Variants in MAP2K5 observed in about 807,000 individuals in gnomAD.
The protein encoded by MAP2K5 is dual specificity mitogen-activated protein kinase kinase 5.
Under a neutral mutation model 83.1 loss-of-function variants are expected in MAP2K5, and 49 were observed. The observed-to-expected ratio is 0.59, with a 90% CI of 0.47 to 0.75. The LOEUF is 0.75. Ranked by LOEUF, MAP2K5 falls within the 30% of genes least tolerant of loss-of-function variation. The pLI is 0.00. For missense variants in MAP2K5, 457 were observed against 557.5 expected (o/e 0.82, Z 1.82); for synonymous variants, 202 against 191.8 (o/e 1.05, Z -0.44).
At chr15:67,683,122 CAA>C (rs2087863972) in intron 13 of MAP2K5, among the ~76,000 whole-genome samples, 1 of 151,402 alleles carries the variant, frequency 6.6e-6, no homozygotes. Context: ...GCCTGGGCAA[CAA>C]GAGCAAAAAC....
intron 19 of MAP2K5, among the ~76,000 whole-genome samples, chr15:67,766,033 G>A (rs1033681311): frequency 5.9e-5 from 9 of 152,106 alleles, no homozygotes; most frequent in African/African-American, 1.2e-4. Flanking sequence ...AGCATGCTGC[G>A]TGCTTGTGTT....
At position 67,802,239 on chromosome 15, in the gene MAP2K5, TGGA is replaced by T. The variant is rs1350826779; in HGVS notation, c.1243-4401_1243-4399del. 2.6e-5 allele frequency among the ~76,000 whole-genome samples: 4 copies of T among 152,080 alleles called. No individual in the cohort carries two copies. Among genetic ancestry groups the T allele is most frequent in the Non-Finnish European group, 2.9e-5 (2 of 68,020 alleles). On this transcript the variant is annotated intron_variant, in intron 21 of 21. Transcript: ENST00000178640. This position sits in a 1 kb window ranked among gnomAD's most constrained non-coding sequence, Gnocchi z 5.0. Reference sequence around the variant, plus strand: ...AGTGACACACTGACTAAAGCCCAGGTGGAGGAGGGAGCGGTGAGCAACCACAAT... The same window carrying T: ...AGTGACACACTGACTAAAGCCCAGGTGGAGGGAGCGGTGAGCAACCACAAT...
rs2090205679 is a variant in MAP2K5 at position 67,774,670 on chromosome 15, C to T, written c.1242+1918C>T. 6.6e-6 allele frequency among the ~76,000 whole-genome samples: 1 copy of T among 152,200 alleles called. No individual in the cohort carries two copies. Among genetic ancestry groups the T allele is most frequent in the Non-Finnish European group, 1.5e-5 (1 of 68,044 alleles). ...GCTTTAATTTTTCCTTTTCTCTTCC[C>T]ACCTACAACCTATTTGATGGTGCTC... On this transcript the variant is annotated intron_variant, in intron 21 of 21. Coordinates refer to ENST00000178640, the MANE Select transcript of MAP2K5 (RefSeq NM_145160.3). This position sits in a 1 kb window ranked among gnomAD's most constrained non-coding sequence, Gnocchi z 4.9.
chr15:67,626,005 G>A (rs531489152), intron 8 of MAP2K5, among the ~76,000 whole-genome samples: 3 of 152,152 alleles, frequency 2.0e-5, no homozygotes, highest in East Asian at 1.9e-4. Flanking sequence ...TTGCTTATTC[G>A]AAGTAACAAC....
At position 67,698,246 on chromosome 15, in the gene MAP2K5, G is replaced by A. The variant is rs1047326692; in HGVS notation, c.972+4678G>A. 2.6e-5 allele frequency among the ~76,000 whole-genome samples: 4 copies of A among 152,058 alleles called. No homozygotes were observed. The East Asian group carries it at 7.7e-4, about 29-fold the overall frequency. ...ACCCTGTCCCCCAGGCTGGAGTGCA[G>A]TGGCGATTGCAGCTCACCGCAACCT... On this transcript the variant is annotated intron_variant, in intron 15 of 21. Coordinates refer to ENST00000178640, the MANE Select transcript of MAP2K5 (RefSeq NM_145160.3). The surrounding 1 kb of genome is among the most constrained non-coding windows in gnomAD (Gnocchi z 4.5).
rs1455475448 is a variant in MAP2K5, at chr15:67,793,868, G to A, written c.1243-12778G>A. ...GGTTTTATTTTCTGAGAGGACCAAAGAGTCATGAATGTGCCAGGGAAAGTC... is the reference window on the plus strand; with the variant it reads ...GGTTTTATTTTCTGAGAGGACCAAAAAGTCATGAATGTGCCAGGGAAAGTC... On this transcript the variant is annotated intron_variant, in intron 21 of 21. Coordinates refer to ENST00000178640, the MANE Select transcript of MAP2K5 (RefSeq NM_145160.3). The surrounding 1 kb of genome is among the most constrained non-coding windows in gnomAD (Gnocchi z 4.6). 6.6e-6 allele frequency among the ~76,000 whole-genome samples: 1 copy of A among 152,214 alleles called. No individual in the cohort carries two copies. The highest frequency in any genetic ancestry group is 1.9e-4 in the East Asian group (1 of 5,202).
In MAP2K5 at chr15:67,552,254, T is replaced by C. The variant is rs1220760400; in HGVS notation, c.184+2172T>C. Among the ~76,000 whole-genome samples, 1 of 152,236 alleles carries C rather than the reference T, an allele frequency of 6.6e-6. No individual in the cohort carries two copies. Among genetic ancestry groups the C allele is most frequent in the Non-Finnish European group, 1.5e-5 (1 of 68,048 alleles). Reference sequence around the variant, plus strand: ...ACTATAGAAAAATAGTACATCTGTCTGAAATACATACTAGTGTTGCAAGCT... The same window carrying C: ...ACTATAGAAAAATAGTACATCTGTCCGAAATACATACTAGTGTTGCAAGCT... On this transcript the variant is annotated intron_variant, in intron 2 of 21. Transcript: ENST00000178640. This position sits in a 1 kb window ranked among gnomAD's most constrained non-coding sequence, Gnocchi z 4.2.
rs1273884022 is a variant in MAP2K5, at chr15:67,755,252, A to G, written c.1134+6651A>G. Among the ~76,000 whole-genome samples the G allele has an allele frequency of 6.6e-6, 1 of 152,182 alleles. No homozygotes were observed. The highest frequency in any genetic ancestry group is 2.4e-5 in the African/African-American group (1 of 41,440). ...CTCAGCCTCCCAAAGTGCTAAGATT[A>G]CAGGTGTGAGCCACCACTCCTGGCT... On this transcript the variant is annotated intron_variant, in intron 19 of 21. Coordinates refer to ENST00000178640, the MANE Select transcript of MAP2K5 (RefSeq NM_145160.3). This position sits in a 1 kb window ranked among gnomAD's most constrained non-coding sequence, Gnocchi z 4.7.
At position 67,780,986 on chromosome 15, in the gene MAP2K5, ACCTCC is replaced by A. The variant is rs2090320094; in HGVS notation, c.1242+8235_1242+8239del. On this transcript the variant is annotated intron_variant, in intron 21 of 21. Coordinates refer to ENST00000178640, the MANE Select transcript of MAP2K5 (RefSeq NM_145160.3). The surrounding 1 kb of genome is among the most constrained non-coding windows in gnomAD (Gnocchi z 5.0). Reference sequence around the variant, plus strand: ...ATTAGAGAGCCAAAACCTAGAGGAGACCTCCTGGCTAGCACCATCTTTGCCTGTTA... The same window carrying A: ...ATTAGAGAGCCAAAACCTAGAGGAGATGGCTAGCACCATCTTTGCCTGTTA... Among the ~76,000 whole-genome samples, 2 of 152,084 alleles carry A rather than the reference ACCTCC, an allele frequency of 1.3e-5. No homozygotes were observed. The highest frequency in any genetic ancestry group is 4.8e-5 in the African/African-American group (2 of 41,394).
chr15:67,666,596 T>G lies in MAP2K5; in HGVS notation c.847+1951T>G, dbSNP rs529714771. Among the ~76,000 whole-genome samples, 19 of 152,270 alleles carry G rather than the reference T, an allele frequency of 1.2e-4. 1 individual carries two copies. In the East Asian group the frequency reaches 3.3e-3, roughly 26 times the overall value. Reference sequence around the variant, plus strand: ...CCTTCTTTTCATCCCTGGTTGCAACTTGGGCTAAGAAAGGGCTTTTTCGTT... The same window carrying G: ...CCTTCTTTTCATCCCTGGTTGCAACGTGGGCTAAGAAAGGGCTTTTTCGTT... On this transcript the variant is annotated intron_variant, in intron 13 of 21. Transcript: ENST00000178640.
At chr15:67,789,169 A>T (rs756130746) in intron 21 of MAP2K5, among the ~76,000 whole-genome samples, 1 of 152,136 alleles carries the variant, frequency 6.6e-6, no homozygotes, top group African/African-American at 2.4e-5. Context: ...AGGTCTTTCC[A>T]TATAATATAA....
In MAP2K5 at chr15:67,769,389, A is replaced by C. The variant is rs117050084; in HGVS notation, c.1135-213A>C. On this transcript the variant is annotated intron_variant, in intron 19 of 21. Coordinates refer to ENST00000178640, the MANE Select transcript of MAP2K5 (RefSeq NM_145160.3). The surrounding 1 kb of genome is among the most constrained non-coding windows in gnomAD (Gnocchi z 5.2). ...TTCACCTCCCCCTCTCTCAGCTCTC[A>C]TGTTTCTCACCATTGTAAAATATGT... Among the ~76,000 whole-genome samples the C allele has an allele frequency of 5.6e-3, 855 of 152,140 alleles. No individual in the cohort carries two copies. Among genetic ancestry groups the C allele is most frequent in the Middle Eastern group, 0.034 (10 of 294 alleles).
chr15:67,753,700 A>G (rs1400337551), intron 19 of MAP2K5, among the ~76,000 whole-genome samples: 1 of 151,932 alleles, frequency 6.6e-6, no homozygotes, highest in African/African-American at 2.4e-5. Context: ...AACAGAAAAT[A>G]ACAATTGGTG....
Position 67,717,018 on chromosome 15 carries a change from G to A in MAP2K5, c.1045-10898G>A, listed in dbSNP as rs752871008. ...AAAGGTTAAGTGAATAGCTCAGGCAGCAGCAGTCAAGTATTCTGACTCATG... is the reference window on the plus strand; with the variant it reads ...AAAGGTTAAGTGAATAGCTCAGGCAACAGCAGTCAAGTATTCTGACTCATG... On this transcript the variant is annotated intron_variant, in intron 16 of 21. Transcript: ENST00000178640. This position sits in a 1 kb window ranked among gnomAD's most constrained non-coding sequence, Gnocchi z 4.1. Among the ~76,000 whole-genome samples the A allele has an allele frequency of 3.9e-5, 6 of 152,190 alleles. No individual in the cohort carries two copies. The highest frequency in any genetic ancestry group is 5.9e-5 in the Non-Finnish European group (4 of 68,024).
In MAP2K5 at chr15:67,543,453, C is replaced by T; in HGVS notation, c.118C>T (p.Leu40Phe). The change falls in exon 1 of 22, where the codon CTC becomes TTC. Residue 40 changes from leucine to phenylalanine, a missense_variant. Physicochemically the swap from Leu to Phe is conservative, Grantham distance 22. Around this residue, in one of 3 missense-constraint regions of MAP2K5, gnomAD observed 234 missense variants for 243.6 expected, o/e 0.96. Coordinates refer to ENST00000178640, the MANE Select transcript of MAP2K5 (RefSeq NM_145160.3). This position sits in a 1 kb window ranked among gnomAD's most constrained non-coding sequence, Gnocchi z 4.3. Reference sequence around the variant, plus strand: ...GACAGTGCACTCCGGGCCGCAGTTACTCTTCAGGGATGTGCTGGTGAGTGG... The same window carrying T: ...GACAGTGCACTCCGGGCCGCAGTTATTCTTCAGGGATGTGCTGGTGAGTGG... ...DWTVHSGPQL[L>F]FRDVLDVIGQ... is the part of the protein sequence containing the mutation. 2 of 1,614,158 alleles carry T rather than the reference C, an allele frequency of 1.2e-6. No homozygotes were observed. Among genetic ancestry groups the T allele is most frequent in the Non-Finnish European group, 8.5e-7 (1 of 1,180,036 alleles).
At chr15:67,657,924 T>G (rs2087128168) in intron 11 of MAP2K5, among the ~76,000 whole-genome samples, 1 of 152,118 alleles carries the variant, frequency 6.6e-6, no homozygotes, top group Non-Finnish European at 1.5e-5. Flanking sequence ...TGAGGCATAC[T>G]TATGAATCAT....
chr15:67,684,913 GA>G (rs762763260), intron 13 of MAP2K5, among the ~76,000 whole-genome samples: 4 of 152,034 alleles, frequency 2.6e-5, no homozygotes, highest in African/African-American at 4.8e-5. Context: ...TCTACTACTA[GA>G]AAAAATATTT....
chr15:67,620,835 G>C (rs2086164824), intron 8 of MAP2K5, among the ~76,000 whole-genome samples: 1 of 152,218 alleles, frequency 6.6e-6, no homozygotes, highest in South Asian at 2.1e-4. Context: ...ACAGTGAATA[G>C]AATGTGTAAC....
chr15:67,704,563 A>G (rs1251269804), intron 16 of MAP2K5, among the ~76,000 whole-genome samples: 1 of 152,232 alleles, frequency 6.6e-6, no homozygotes, highest in African/African-American at 2.4e-5. Context: ...ATTCACCTGC[A>G]CAGTAGAAAG....
Sources: allele counts gnomAD v4.1 joint callset (sites outside exome capture counted in the v4.1 genomes callset), GRCh38; gene constraint gnomAD v4.1.1; regional missense constraint gnomAD v4.1.1; non-coding constraint Gnocchi (gnomAD v3.1); transcripts MANE v1.5; gene names NCBI Gene and HGNC (gene_info 2026-07-23, HGNC 2026-07-21).